Variants in NOX4 observed in about 807,000 individuals in gnomAD.
NOX4 encodes the protein kidney oxidase-1.
In NOX4, 69 loss-of-function variants were observed where a neutral mutation model predicts 87.6. The observed-to-expected ratio is 0.79, with a 90% CI of 0.65 to 0.96. NOX4 has a LOEUF of 0.96. Ranked by LOEUF, NOX4 falls within the 40% of genes least tolerant of loss-of-function variation. The probability of loss-of-function intolerance (pLI) is 0.00; values close to 1 mark genes in which losing one functional copy is unlikely to be tolerated. For synonymous variants in NOX4, 275 were observed against 238.2 expected (o/e 1.15, Z -1.42); for missense variants, 680 against 681.5 (o/e 1.00, Z 0.02).
chr11:89,432,728 A>G (rs1943869950), intron 7 of NOX4, 56 bp downstream of exon 7: 2 of 1,277,920 alleles, frequency 1.6e-6, no homozygotes, highest in Admixed American at 1.7e-5. Flanking sequence ...ATTACTCAAG[A>G]CTTTTTCTAA....
At chr11:89,513,673 T>C in the NOX4 span, among the ~76,000 whole-genome samples, 1 of 152,006 alleles carries the variant, frequency 6.6e-6, no homozygotes, top group Non-Finnish European at 1.5e-5. Context: ...TTGACATAAA[T>C]ATGGCATTTG....
At chr11:89,399,432 A>AAAATATAT (rs1290741300) in intron 11 of NOX4, among the ~76,000 whole-genome samples, 20 of 75,646 alleles carry the variant, frequency 2.6e-4, no homozygotes, top group African/African-American at 9.2e-4. Flanking sequence ...CAAGAAATTA[A>AAAATATAT]ATATATATAT....
At chr11:89,334,751 G>C (rs893693435) in intron 17 of NOX4, among the ~76,000 whole-genome samples, 49 of 151,538 alleles carry the variant, frequency 3.2e-4, no homozygotes, top group African/African-American at 1.2e-3. Context: ...ATTAACACTA[G>C]AGTCTTATGA....
At chr11:89,396,691 T>C (rs1278877033) in intron 11 of NOX4, among the ~76,000 whole-genome samples, 2 of 151,980 alleles carry the variant, frequency 1.3e-5, no homozygotes, top group Non-Finnish European at 2.9e-5. Context: ...AAAACAGACT[T>C]TAAACCAACA....
chr11:89,573,692 T>C, the NOX4 span, among the ~76,000 whole-genome samples: 1 of 152,032 alleles, frequency 6.6e-6, no homozygotes, highest in African/African-American at 2.4e-5. Context: ...GGAGTGGAAG[T>C]TTATTAAAAA....
At chr11:89,328,778 G>C (rs1010504036) in intron 17 of NOX4, among the ~76,000 whole-genome samples, 2 of 151,968 alleles carry the variant, frequency 1.3e-5, no homozygotes, top group African/African-American at 4.8e-5. Flanking sequence ...TTAAAATGAA[G>C]GTACTAGGGT....
chr11:89,541,555 T>C, the NOX4 span, among the ~76,000 whole-genome samples: 1 of 152,182 alleles, frequency 6.6e-6, no homozygotes, highest in African/African-American at 2.4e-5. Flanking sequence ...AAGATATGTA[T>C]CTTCTGGTTT....
the NOX4 span, among the ~76,000 whole-genome samples, chr11:89,530,644 G>C: frequency 1.3e-5 from 2 of 151,812 alleles, no homozygotes; most frequent in Non-Finnish European, 2.9e-5. Flanking sequence ...GAGATTACAG[G>C]TGTGAGCCAC....
chr11:89,520,052 T>C, the NOX4 span, among the ~76,000 whole-genome samples: 5 of 152,018 alleles, frequency 3.3e-5, 1 homozygote, highest in South Asian at 1.0e-3. Context: ...GCTGCTTGAC[T>C]AGGAATGAGT....
At chr11:89,416,152 T>C (rs1416452459) in intron 8 of NOX4, among the ~76,000 whole-genome samples, 2 of 152,078 alleles carry the variant, frequency 1.3e-5, no homozygotes, top group Non-Finnish European at 2.9e-5. Context: ...ATCAATAGCA[T>C]CCCCATTCAT....
intron 4 of NOX4, among the ~76,000 whole-genome samples, chr11:89,447,078 A>C (rs1002380997): frequency 2.4e-4 from 36 of 152,236 alleles, no homozygotes; most frequent in African/African-American, 8.4e-4. Flanking sequence ...AGAGGAAAAA[A>C]AATGGACAGG....
intron 11 of NOX4, among the ~76,000 whole-genome samples, chr11:89,391,160 T>C (rs559922231): frequency 6.6e-6 from 1 of 152,242 alleles, no homozygotes; most frequent in East Asian, 1.9e-4. Flanking sequence ...TCATGGAGCT[T>C]ATGGTCTATG....
the NOX4 span, among the ~76,000 whole-genome samples, chr11:89,544,025 T>C: frequency 2.6e-5 from 4 of 152,106 alleles, no homozygotes; most frequent in East Asian, 5.8e-4. Flanking sequence ...ACTATATAAA[T>C]ATATTATTCT....
chr11:89,576,877 A>T, the NOX4 span: 86 of 152,220 alleles, frequency 5.6e-4, no homozygotes, highest in African/African-American at 2.0e-3. Flanking sequence ...AACACCAGTA[A>T]TTTGTTTCAA....
At chr11:89,548,881 A>G in the NOX4 span, 1 of 151,894 alleles carries the variant, frequency 6.6e-6, no homozygotes, top group South Asian at 2.1e-4. Flanking sequence ...AGGAGAAACC[A>G]TAAAGCTTAT....
chr11:89,467,098 C>T (rs1370459798), intron 2 of NOX4, among the ~76,000 whole-genome samples: 6 of 151,932 alleles, frequency 3.9e-5, no homozygotes, highest in South Asian at 4.1e-4. Flanking sequence ...CCTGTAATCC[C>T]AGCACTTTGG....
chr11:89,538,047 C>A, the NOX4 span, among the ~76,000 whole-genome samples: 1 of 152,120 alleles, frequency 6.6e-6, no homozygotes, highest in African/African-American at 2.4e-5. Flanking sequence ...TGCTGTTTTT[C>A]ATTTTGTTCT....
In NOX4 at chr11:89,326,564, CTT is replaced by C; in HGVS notation, c.*190_*191del. ...TCACATCAAATATTCTTCAGGGTCT[CTT>C]TGGTTTCCAGATTAAACATGTAATG... On this transcript the variant is annotated 3_prime_UTR_variant, in exon 18 of 18. Coordinates refer to ENST00000263317, the MANE Select transcript of NOX4 (RefSeq NM_016931.5). The C allele has an allele frequency of 2.2e-6, 1 of 448,646 alleles. No homozygotes were observed. 27.8% of individuals were successfully genotyped at this position (448,646 alleles called of 1,614,324 possible).
chr11:89,509,040 T>C, the NOX4 span, among the ~76,000 whole-genome samples: 2 of 148,776 alleles, frequency 1.3e-5, no homozygotes, highest in African/African-American at 4.9e-5. Flanking sequence ...AACATATGAC[T>C]CTTAAAATGT....
Sources: gnomAD v4.1 joint callset for allele counts (sites outside exome capture counted in the v4.1 genomes callset) on GRCh38, gnomAD v4.1.1 for gene constraint, MANE v1.5 for transcripts, NCBI Gene and HGNC (gene_info 2026-07-23, HGNC 2026-07-21) for gene names.